TRPV4: variants seen among roughly 807,000 people sequenced by gnomAD.
The protein encoded by TRPV4 is transient receptor potential cation channel subfamily V member 4, also known as OSM9-like transient receptor potential channel 4.
A neutral mutation model predicts 84.1 loss-of-function variants in TRPV4; 58 were observed. The ratio of observed to expected loss-of-function variants is 0.69; its 90% CI spans 0.56 to 0.86. TRPV4 has a LOEUF of 0.86. Among genes scored for constraint, TRPV4 ranks in the 40% least tolerant of loss-of-function variants. The pLI is 0.00. For missense variants in TRPV4, 879 were observed against 1,181.1 expected (o/e 0.74, Z 3.75); for synonymous variants, 489 against 500.9 (o/e 0.98, Z 0.32).
In TRPV4 at chr12:109,796,755, G is replaced by C. The variant is rs748900853; in HGVS notation, c.1153-51C>G. 11 of 1,570,062 alleles carry C rather than the reference G, an allele frequency of 7.0e-6. No individual in the cohort carries two copies. In the African/African-American group the frequency reaches 1.5e-4, roughly 21 times the overall value. On this transcript the variant is annotated intron_variant, in intron 6 of 15. Transcript: ENST00000261740. This position sits in a 1 kb window ranked among gnomAD's most constrained non-coding sequence, Gnocchi z 4.2. ...GGGGCTCACACTGGAAAGACCCCCA[G>C]GGCTGGGCCCAGCTCAGCACATGAC...
chr12:109,793,589 C>G lies in TRPV4; in HGVS notation c.1596G>C (p.Leu532Phe). ...TCACTCCAGGGCATTTCTTCATGAACAAGTCTTTGATCTGGAAGACAGGAG... is the reference window on the plus strand; with the variant it reads ...TCACTCCAGGGCATTTCTTCATGAAGAAGTCTTTGATCTGGAAGACAGGAG... ...VLFFFTNIKDLFMKKCPGVNS... is the reference protein window; with the variant it reads ...VLFFFTNIKDFFMKKCPGVNS... Residue 532 changes from leucine (L) to phenylalanine (F), a missense_variant, in exon 10 of 16, where the codon TTG becomes TTC. Around this residue, in one of 4 missense-constraint regions of TRPV4, gnomAD observed 521 missense variants for 686.6 expected, o/e 0.76. Transcript: ENST00000261740. This position sits in a 1 kb window ranked among gnomAD's most constrained non-coding sequence, Gnocchi z 4.0. The G allele has an allele frequency of 6.2e-7, 1 of 1,613,836 alleles. No homozygotes were observed. The highest frequency in any genetic ancestry group is 8.5e-7 in the Non-Finnish European group (1 of 1,179,964).
intron 1 of TRPV4, among the ~76,000 whole-genome samples, chr12:109,829,198 GAAC>G (rs1343139787): frequency 1.3e-5 from 2 of 151,922 alleles, no homozygotes; most frequent in East Asian, 3.9e-4. Flanking sequence ...AAAAAAAAGT[GAAC>G]AACAGGCAAT....
In TRPV4 at chr12:109,796,381, C is replaced by T; in HGVS notation, c.1332+144G>A. On this transcript the variant is annotated intron_variant, in intron 7 of 15. Transcript: ENST00000261740. The surrounding 1 kb of genome is among the most constrained non-coding windows in gnomAD (Gnocchi z 4.2). ...CACTGTTCTGGGCACTTAGTTGGCA[C>T]CTTCTCTTGCATTCAGCCAACAGAC... 1 of 890,436 alleles carries T rather than the reference C, an allele frequency of 1.1e-6. No homozygotes were observed. Among genetic ancestry groups the T allele is most frequent in the Non-Finnish European group, 1.8e-6 (1 of 568,004 alleles). 55.2% of individuals were successfully genotyped at this position (890,436 alleles called of 1,614,324 possible). A position where few individuals can be genotyped will look rare whatever the true frequency, so the allele number is the denominator to read the frequency against.
intron 2 of TRPV4, among the ~76,000 whole-genome samples, chr12:109,811,352 G>A (rs1692003102): frequency 6.6e-6 from 1 of 152,212 alleles, no homozygotes. Flanking sequence ...CTGGCAGACA[G>A]TGGGCACCCA....
Position 109,786,930 on chromosome 12 carries a change from G to A in TRPV4, c.2209-93C>T. 2 of 1,573,076 alleles carry A rather than the reference G, an allele frequency of 1.3e-6. No individual in the cohort carries two copies. Among genetic ancestry groups the A allele is most frequent in the Non-Finnish European group, 1.7e-6 (2 of 1,152,158 alleles). ...AGAAATGAGACAACGGGCCAGGGTG[G>A]GCCCAGAACTAGGCATTTAGACTCC... is the stretch of plus-strand genomic sequence containing the variant. On this transcript the variant is annotated intron_variant, in intron 13 of 15. Coordinates refer to ENST00000261740, the MANE Select transcript of TRPV4 (RefSeq NM_021625.5). This position sits in a 1 kb window ranked among gnomAD's most constrained non-coding sequence, Gnocchi z 4.5.
intron 1 of TRPV4, among the ~76,000 whole-genome samples, chr12:109,824,462 A>T (rs1186718727): frequency 1.3e-5 from 2 of 151,922 alleles, no homozygotes; most frequent in Admixed American, 1.3e-4. Context: ...GGAGGCATCA[A>T]ATTCTTAGTC....
In TRPV4 at chr12:109,788,426, C is replaced by T. The variant is rs1889832333; in HGVS notation, c.2182G>A (p.Glu728Lys). 6.2e-7 allele frequency: 1 copy of T among 1,614,008 alleles called. No individual in the cohort carries two copies. The stretch of plus-strand genomic sequence containing the variant: ...TGCAGCTTCCAGATGTGCTTGCTCT[C>T]CTTGGAGACCTGGCCCACTGTCTCG... ...MGETVGQVSK[E>K]SKHIWKLQWA... The change falls in exon 13 of 16, where the codon GAG becomes AAG. Residue 728 changes from glutamate to lysine, a missense_variant. Coordinates refer to ENST00000261740, the MANE Select transcript of TRPV4 (RefSeq NM_021625.5).
Position 109,808,447 on chromosome 12 carries a change from T to G in TRPV4, c.408A>C (p.Lys136Asn). The G allele has an allele frequency of 6.2e-7, 1 of 1,613,302 alleles. No individual in the cohort carries two copies. Among genetic ancestry groups the G allele is most frequent in the Non-Finnish European group, 8.5e-7 (1 of 1,179,386 alleles). Residue 136 changes from lysine (K) to asparagine (N), a missense_variant, in exon 3 of 16, where the codon AAA becomes AAC. Lys to Asn is a moderately conservative substitution (Grantham distance 94, BLOSUM62 0). Around this residue, in one of 4 missense-constraint regions of TRPV4, gnomAD observed 521 missense variants for 686.6 expected, o/e 0.76. Coordinates refer to ENST00000261740, the MANE Select transcript of TRPV4 (RefSeq NM_021625.5). ...TGGGGGGCGGCTGAGGGGCAGGGGC[T>G]TTGGGGCTCTGCGGCTGCTTCCTGG... ...KIIEKQPQSPKAPAPQPPPIL... is the reference protein window; with the variant it reads ...KIIEKQPQSPNAPAPQPPPIL...
chr12:109,803,087 G>C lies in TRPV4; in HGVS notation c.616C>G (p.Arg206Gly). ...PKALLNLSNG[R>G]NDTIPVLLDI... ...AGCAGCACAGGGATGGTGTCGTTGC[G>C]GCCATTGCTCAGGTTCAGCAAGGCC... The change falls in exon 4 of 16, where the codon CGC becomes GGC. Residue 206 changes from arginine (R) to glycine (G), a missense_variant. Physicochemically the swap from Arg to Gly is moderately radical, Grantham distance 125. Transcript: ENST00000261740. 1 of 1,614,142 alleles carries C rather than the reference G, an allele frequency of 6.2e-7. No individual in the cohort carries two copies. Among genetic ancestry groups the C allele is most frequent in the Non-Finnish European group, 8.5e-7 (1 of 1,180,022 alleles).
intron 1 of TRPV4, among the ~76,000 whole-genome samples, chr12:109,830,258 C>T (rs1892376125): frequency 6.6e-6 from 1 of 152,358 alleles, no homozygotes; most frequent in Admixed American, 6.5e-5. Context: ...CAGGTCCCAG[C>T]TCTGCCCCTT....
rs1360094172 is a variant in TRPV4 at position 109,793,403 on chromosome 12, A to G, written c.1658+124T>C. ...TGTGGCTTTGTCCTGACTTTGGGTTAGAGCTGCCCAGGTTGGGTGCATTCA... is the reference window on the plus strand; with the variant it reads ...TGTGGCTTTGTCCTGACTTTGGGTTGGAGCTGCCCAGGTTGGGTGCATTCA... On this transcript the variant is annotated intron_variant, in intron 10 of 15. Coordinates refer to ENST00000261740, the MANE Select transcript of TRPV4 (RefSeq NM_021625.5). The surrounding 1 kb of genome is among the most constrained non-coding windows in gnomAD (Gnocchi z 4.0). The G allele has an allele frequency of 4.7e-6, 4 of 856,552 alleles. No individual in the cohort carries two copies. Among genetic ancestry groups the G allele is most frequent in the Non-Finnish European group, 8.1e-6 (4 of 495,488 alleles). 53.1% of individuals were successfully genotyped at this position (856,552 alleles called of 1,614,324 possible).
rs906017877 is a variant in TRPV4, at chr12:109,814,873, G to C, written c.-31-46C>G. 1 of 1,514,380 alleles carries C rather than the reference G, an allele frequency of 6.6e-7. No homozygotes were observed. Among genetic ancestry groups the C allele is most frequent in the African/African-American group, 1.4e-5 (1 of 72,596 alleles). 93.8% of individuals were successfully genotyped at this position (1,514,380 alleles called of 1,614,324 possible). A position where few individuals can be genotyped will look rare whatever the true frequency, so the allele number is the denominator to read the frequency against. ...AGTCAGGCAGAACCCGGCCAGGGGC[G>C]GGGGCTCCAGGAAGCCCCCTCCCAC... On this transcript the variant is annotated intron_variant, in intron 1 of 15. Transcript: ENST00000261740. This position sits in a 1 kb window ranked among gnomAD's most constrained non-coding sequence, Gnocchi z 5.4.
chr12:109,809,841 AT>A (rs1891412928), intron 2 of TRPV4, among the ~76,000 whole-genome samples: 1 of 152,260 alleles, frequency 6.6e-6, no homozygotes, highest in Non-Finnish European at 1.5e-5. Flanking sequence ...TAACTAACCC[AT>A]TAATTTATTC....
At chr12:109,797,442 C>T (rs936709272) in intron 6 of TRPV4, among the ~76,000 whole-genome samples, 10 of 152,048 alleles carry the variant, frequency 6.6e-5, no homozygotes, top group African/African-American at 2.4e-4. Context: ...GCATGAGCCA[C>T]TGTGCACAGC....
chr12:109,806,607 C>A (rs1327923967), intron 3 of TRPV4, among the ~76,000 whole-genome samples: 11 of 151,016 alleles, frequency 7.3e-5, no homozygotes, highest in Admixed American at 1.3e-4. Context: ...GTAATCCCAG[C>A]ACTTTGGGAG....
At chr12:109,810,965 C>T (rs1891479583) in intron 2 of TRPV4, among the ~76,000 whole-genome samples, 1 of 152,162 alleles carries the variant, frequency 6.6e-6, no homozygotes, top group Admixed American at 6.5e-5. Flanking sequence ...CACCTCTGAG[C>T]AGAGGTTGTA....
intron 11 of TRPV4, 36 bp downstream of exon 11, chr12:109,792,616 G>A: frequency 1.9e-6 from 3 of 1,612,854 alleles, no homozygotes; most frequent in South Asian, 2.2e-5. Flanking sequence ...CTCCCTCCAG[G>A]AACACACGAG....
intron 8 of TRPV4, 107 bp from the exon 9 acceptor site, chr12:109,794,129 C>G (rs945618741): frequency 1.8e-5 from 21 of 1,140,000 alleles, no homozygotes; most frequent in Middle Eastern, 2.7e-4. Flanking sequence ...ATGGAGCCTC[C>G]TCCTTCACTC....
chr12:109,819,451 G>A (rs1166579517), intron 1 of TRPV4, among the ~76,000 whole-genome samples: 1 of 152,212 alleles, frequency 6.6e-6, no homozygotes, highest in East Asian at 1.9e-4. Context: ...TCCACAGTGG[G>A]GAAGCTCCCA....
Sources: allele counts gnomAD v4.1 joint callset (sites outside exome capture counted in the v4.1 genomes callset), GRCh38; gene constraint gnomAD v4.1.1; regional missense constraint gnomAD v4.1.1; non-coding constraint Gnocchi (gnomAD v3.1); transcripts MANE v1.5; gene names NCBI Gene and HGNC (gene_info 2026-07-23, HGNC 2026-07-21).